Variants in COL5A1 observed in about 807,000 individuals in gnomAD.
The protein encoded by COL5A1 is collagen alpha-1(V) chain.
In COL5A1, 16 loss-of-function variants were observed where a neutral mutation model predicts 263.7. The ratio of observed to expected loss-of-function variants is 0.06; its 90% CI spans 0.04 to 0.09. The LOEUF is 0.09. COL5A1 is among the 10% of genes least tolerant of loss of function. The pLI, the probability that COL5A1 is intolerant of heterozygous loss-of-function variation, is 1.00. For missense variants in COL5A1, 2,036 were observed against 2,540.5 expected (o/e 0.80, Z 4.27); for synonymous variants, 1,012 against 1,004.5 (o/e 1.01, Z -0.14).
intron 61 of COL5A1, among the ~76,000 whole-genome samples, chr9:134,824,202 G>A (rs1323090252): frequency 2.0e-5 from 3 of 152,198 alleles, no homozygotes; most frequent in Non-Finnish European, 4.4e-5. Context: ...TGCATCAGGA[G>A]GCATTCATGT....
At chr9:134,814,677 G>C in intron 49 of COL5A1, 120 bp from the exon 50 acceptor site, 1 of 796,124 alleles carries the variant, frequency 1.3e-6, no homozygotes, top group Non-Finnish European at 2.2e-6. Flanking sequence ...CCCCCTGCAG[G>C]GCTCAGCAGA....
chr9:134,805,699 C>G (rs1310435802), intron 41 of COL5A1, among the ~76,000 whole-genome samples: 1 of 152,176 alleles, frequency 6.6e-6, no homozygotes, highest in Admixed American at 6.5e-5. Context: ...AAGGCATCCC[C>G]TAGAAAACGC....
At chr9:134,658,520 C>G (rs116911927) in intron 1 of COL5A1, among the ~76,000 whole-genome samples, 2 of 152,222 alleles carry the variant, frequency 1.3e-5, no homozygotes, top group African/African-American at 2.4e-5. Context: ...CACATGCATA[C>G]GCTCCCACCT....
chr9:134,664,859 C>A (rs966730472), intron 1 of COL5A1, among the ~76,000 whole-genome samples: 2 of 152,168 alleles, frequency 1.3e-5, no homozygotes, highest in African/African-American at 2.4e-5. Context: ...CCCAGGAGTT[C>A]GAGACCAGCC....
At chr9:134,737,030 G>T (rs988834570) in intron 9 of COL5A1, among the ~76,000 whole-genome samples, 1 of 152,226 alleles carries the variant, frequency 6.6e-6, no homozygotes, top group African/African-American at 2.4e-5. Flanking sequence ...CGTCCTTGCT[G>T]CCCTCCCAGG....
At chr9:134,760,546 A>C (rs576967791) in intron 18 of COL5A1, among the ~76,000 whole-genome samples, 41 of 114,730 alleles carry the variant, frequency 3.6e-4, no homozygotes, top group African/African-American at 1.3e-3. Context: ...ATACACCCAC[A>C]CACACACGCA....
chr9:134,836,234 C>A (rs578209703), intron 65 of COL5A1, among the ~76,000 whole-genome samples: 1 of 152,296 alleles, frequency 6.6e-6, no homozygotes, highest in East Asian at 1.9e-4. Context: ...CCAGTGATGG[C>A]CCCAGGCTGC....
At chr9:134,662,792 G>T (rs906198545) in intron 1 of COL5A1, among the ~76,000 whole-genome samples, 1 of 152,224 alleles carries the variant, frequency 6.6e-6, no homozygotes. Flanking sequence ...CCTCTGGGCT[G>T]CAAAGCGATG....
intron 29 of COL5A1, among the ~76,000 whole-genome samples, chr9:134,783,548 G>C (rs1226284506): frequency 6.6e-6 from 1 of 152,216 alleles, no homozygotes; most frequent in Non-Finnish European, 1.5e-5. Flanking sequence ...TCGGCCTCCG[G>C]TGGGCACAGC....
At chr9:134,815,326 G>A (rs568161267) in intron 50 of COL5A1, among the ~76,000 whole-genome samples, 13 of 152,342 alleles carry the variant, frequency 8.5e-5, no homozygotes, top group African/African-American at 3.1e-4. Flanking sequence ...CCTGCCCCTT[G>A]CTTGGCTCTG....
chr9:134,771,913 G>C (rs942209894), intron 25 of COL5A1, among the ~76,000 whole-genome samples: 2 of 152,188 alleles, frequency 1.3e-5, no homozygotes, highest in Non-Finnish European at 2.9e-5. Flanking sequence ...TTTTATCCTG[G>C]AAGTTTGGCT....
In COL5A1 at chr9:134,765,306, G is replaced by A. The variant is rs1458426639; in HGVS notation, c.2035-375G>A. Among the ~76,000 whole-genome samples the A allele has an allele frequency of 6.6e-6, 1 of 152,170 alleles. No homozygotes were observed. Among genetic ancestry groups the A allele is most frequent in the African/African-American group, 2.4e-5 (1 of 41,424 alleles). ...AGGAGCGAGCCGGTAATGAGGATAG[G>A]GCACAAGGGCTCCGTGCAGTGGAAT... On this transcript the variant is annotated intron_variant, in intron 20 of 65. Transcript: ENST00000371817. This position sits in a 1 kb window ranked among gnomAD's most constrained non-coding sequence, Gnocchi z 5.1.
At chr9:134,727,501 C>G in intron 5 of COL5A1, 104 bp downstream of exon 5, 2 of 1,349,222 alleles carry the variant, frequency 1.5e-6, no homozygotes, top group Non-Finnish European at 2.1e-6. Flanking sequence ...AATAAATCCA[C>G]TGGGTGAGAA....
At chr9:134,795,935 T>G (rs1025879144) in intron 34 of COL5A1, among the ~76,000 whole-genome samples, 5 of 152,344 alleles carry the variant, frequency 3.3e-5, no homozygotes, top group South Asian at 4.1e-4. Context: ...CAGGCCACCC[T>G]GAACTCCTCC....
Position 134,758,437 on chromosome 9 carries a change from C to A in COL5A1, c.1935+141C>A. The A allele has an allele frequency of 1.2e-6, 1 of 817,352 alleles. No homozygotes were observed. The allele number at this position is 817,352 out of a possible 1,614,324, so 50.6% of individuals were successfully genotyped here. ...TCCAACAGTCAGTATACAAACCTCA[C>A]GGGAGTCAGCAATGGCAGTGAGCCC... On this transcript the variant is annotated intron_variant, in intron 18 of 65. Transcript: ENST00000371817. This position sits in a 1 kb window ranked among gnomAD's most constrained non-coding sequence, Gnocchi z 4.1.
chr9:134,781,031 C>T (rs575820498), intron 28 of COL5A1, among the ~76,000 whole-genome samples: 9 of 152,244 alleles, frequency 5.9e-5, no homozygotes, highest in Non-Finnish European at 1.2e-4. Flanking sequence ...GGCTGGAGTG[C>T]GGGTGCTGGC....
Position 134,716,881 on chromosome 9 carries a change from G to A in COL5A1, c.655-10385G>A, listed in dbSNP as rs1481333284. Reference sequence around the variant, plus strand: ...GGTGGCTGCAGGTGAGAATTGGACTGGGACTGGAGGCAGCGAGCGAGGACA... The same window carrying A: ...GGTGGCTGCAGGTGAGAATTGGACTAGGACTGGAGGCAGCGAGCGAGGACA... On this transcript the variant is annotated intron_variant, in intron 4 of 65. Transcript: ENST00000371817. This position sits in a 1 kb window ranked among gnomAD's most constrained non-coding sequence, Gnocchi z 4.5. Among the ~76,000 whole-genome samples the A allele has an allele frequency of 6.6e-6, 1 of 152,194 alleles. No individual in the cohort carries two copies. Among genetic ancestry groups the A allele is most frequent in the East Asian group, 1.9e-4 (1 of 5,198 alleles).
rs1249593340 is a variant in COL5A1 at position 134,701,206 on chromosome 9, A to G, written c.527A>G (p.Asn176Ser). 8 of 1,613,806 alleles carry G rather than the reference A, an allele frequency of 5.0e-6. No homozygotes were observed. Among genetic ancestry groups the G allele is most frequent in the Non-Finnish European group, 6.8e-6 (8 of 1,180,022 alleles). The change falls in exon 4 of 66, where the codon AAT becomes AGT. Residue 176 changes from asparagine to serine, a missense_variant. By Grantham distance (46) the Asn-to-Ser change is conservative (BLOSUM62 1). Transcript: ENST00000371817. ...HRIALSVHKK[N>S]VTLILDCKKK... ...ATTGCTCTCAGCGTCCACAAGAAAA[A>G]TGTCACCTTGATCCTCGACTGTAAA...
rs1392584510 is a variant in COL5A1, at chr9:134,842,322, T to A, written c.*19T>A. 1 of 1,613,806 alleles carries A rather than the reference T, an allele frequency of 6.2e-7. No homozygotes were observed. On this transcript the variant is annotated 3_prime_UTR_variant, in exon 66 of 66. Coordinates refer to ENST00000371817, the MANE Select transcript of COL5A1 (RefSeq NM_000093.5). This position sits in a 1 kb window ranked among gnomAD's most constrained non-coding sequence, Gnocchi z 5.8. ...GGGCTAGGAGCCGCCGAGCCCGGGCTCCCGAGAGCAACCTCGTGACCTCAG... is the reference window on the plus strand; with the variant it reads ...GGGCTAGGAGCCGCCGAGCCCGGGCACCCGAGAGCAACCTCGTGACCTCAG...
Sources: gnomAD v4.1 joint callset for allele counts (sites outside exome capture counted in the v4.1 genomes callset) on GRCh38, gnomAD v4.1.1 for gene constraint, Gnocchi (gnomAD v3.1) non-coding constraint, MANE v1.5 for transcripts, NCBI Gene and HGNC (gene_info 2026-07-23, HGNC 2026-07-21) for gene names.